The following HSD17B12 variants were observed in gnomAD, a reference collection of about 807,000 sequenced individuals.
HSD17B12 encodes the protein very-long-chain 3-oxoacyl-CoA reductase.
A neutral mutation model predicts 39.3 loss-of-function variants in HSD17B12; 32 were observed. That is an observed-to-expected ratio of 0.81 (90% confidence interval 0.61 to 1.09). HSD17B12 has a LOEUF of 1.09. Among genes scored for constraint, HSD17B12 ranks in the 50% least tolerant of loss-of-function variants. The probability of loss-of-function intolerance (pLI) is 0.00; values close to 1 mark genes in which losing one functional copy is unlikely to be tolerated. For missense variants in HSD17B12, 342 were observed against 382.9 expected (o/e 0.89, Z 0.89); for synonymous variants, 150 against 146.7 (o/e 1.02, Z -0.16).
At chr11:43,680,649 A>C (rs1007788589), upstream of HSD17B12, 5 of 626,756 alleles carry the variant, frequency 8.0e-6, no homozygotes, top group African/African-American at 5.5e-5. Context: ...CTACGCGCAG[A>C]GGGAAAGACG....
chr11:43,694,735 T>A (rs1259827117), intron 1 of HSD17B12, among the ~76,000 whole-genome samples: 1 of 152,118 alleles, frequency 6.6e-6, no homozygotes, highest in Non-Finnish European at 1.5e-5. Flanking sequence ...ATGGCAGTAT[T>A]CAAATTCATC....
chr11:43,558,420 C>G, the HSD17B12 span, among the ~76,000 whole-genome samples: 1 of 8,624 alleles, frequency 1.2e-4, no homozygotes, highest in African/African-American at 2.0e-4. Flanking sequence ...TGTCTGAGAG[C>G]AGGATTTTTT....
chr11:43,579,544 T>TACCC, the HSD17B12 span: 2 of 152,034 alleles, frequency 1.3e-5, no homozygotes, highest in East Asian at 3.9e-4. Context: ...GGCGCCCGGG[T>TACCC]CGGCTGGTGG....
At chr11:43,614,628 GAC>G in the HSD17B12 span, among the ~76,000 whole-genome samples, 1 of 152,028 alleles carries the variant, frequency 6.6e-6, no homozygotes, top group Admixed American at 6.5e-5. Context: ...ATACTTTTCT[GAC>G]ACAATTTCTC....
At chr11:43,723,947 G>C (rs1034366656) in intron 1 of HSD17B12, 3 of 139,904 alleles carry the variant, frequency 2.1e-5, no homozygotes, top group African/African-American at 8.1e-5. Context: ...TCATACAACT[G>C]TTTGGAGGAG....
intron 1 of HSD17B12, among the ~76,000 whole-genome samples, chr11:43,695,071 A>C (rs1949897874): frequency 6.6e-6 from 1 of 152,110 alleles, no homozygotes; most frequent in Non-Finnish European, 1.5e-5. Flanking sequence ...CTGTAATCCC[A>C]GCCATTTGGG....
chr11:43,681,188 G>T lies in HSD17B12; in HGVS notation c.160+201G>T, dbSNP rs867820061. 1.8e-5 allele frequency: 24 copies of T among 1,351,732 alleles called. No individual in the cohort carries two copies. The Middle Eastern group carries it at 1.1e-3, about 61-fold the overall frequency. 83.7% of individuals were successfully genotyped at this position (1,351,732 alleles called of 1,614,324 possible). ...GACTACTTGCAGAGTTTTAAGGTAC[G>T]AAATACACTGCTCGCTCAATCCTGG... On this transcript the variant is annotated intron_variant, in intron 1 of 10. Transcript: ENST00000278353.
At chr11:43,582,009 G>T in the HSD17B12 span, among the ~76,000 whole-genome samples, 2 of 152,186 alleles carry the variant, frequency 1.3e-5, no homozygotes, top group African/African-American at 4.8e-5. Context: ...GGACCCGGAG[G>T]TGAGGCGAGC....
chr11:43,790,519 A>T (rs926196704), intron 3 of HSD17B12, among the ~76,000 whole-genome samples: 1 of 152,190 alleles, frequency 6.6e-6, no homozygotes, highest in Non-Finnish European at 1.5e-5. Flanking sequence ...ATAGTGCTGA[A>T]CCCTATATAC....
chr11:43,751,008 A>G, intron 2 of HSD17B12, 51 bp downstream of exon 2: 1 of 1,187,044 alleles, frequency 8.4e-7, no homozygotes, highest in Non-Finnish European at 1.2e-6. Context: ...AAGAATAAAT[A>G]TGGGATGATT....
the HSD17B12 span, among the ~76,000 whole-genome samples, chr11:43,661,136 T>C: frequency 6.6e-6 from 1 of 151,850 alleles, no homozygotes. Context: ...ATAATAATAA[T>C]AAAAAGGAAC....
chr11:43,592,508 C>A, the HSD17B12 span, among the ~76,000 whole-genome samples: 2 of 152,078 alleles, frequency 1.3e-5, no homozygotes, highest in African/African-American at 2.4e-5. Context: ...TCAAATACTT[C>A]ATTGTTTCTC....
chr11:43,600,721 T>G, the HSD17B12 span, among the ~76,000 whole-genome samples: 17 of 152,150 alleles, frequency 1.1e-4, no homozygotes, highest in African/African-American at 4.1e-4. Flanking sequence ...CTCAATTTAT[T>G]TATATGTAAA....
At chr11:43,682,288 C>T (rs1340856149) in intron 1 of HSD17B12, among the ~76,000 whole-genome samples, 2 of 152,190 alleles carry the variant, frequency 1.3e-5, no homozygotes, top group African/African-American at 2.4e-5. Flanking sequence ...TGTGATGGCT[C>T]ACGCCTGTAA....
chr11:43,720,148 A>G (rs1041495814), intron 1 of HSD17B12, among the ~76,000 whole-genome samples: 1 of 152,204 alleles, frequency 6.6e-6, no homozygotes. Context: ...CCCAGAGACC[A>G]TTTTTAAATT....
At position 43,753,981 on chromosome 11, in the gene HSD17B12, T is replaced by G. The variant is rs1428776853; in HGVS notation, c.208-65T>G. 7 of 1,020,958 alleles carry G rather than the reference T, an allele frequency of 6.9e-6. No individual in the cohort carries two copies. In the African/African-American group the frequency reaches 1.1e-4, roughly 16 times the overall value. 63.2% of individuals were successfully genotyped at this position (1,020,958 alleles called of 1,614,324 possible). A position where few individuals can be genotyped will look rare whatever the true frequency, so the allele number is the denominator to read the frequency against. On this transcript the variant is annotated intron_variant, in intron 2 of 10. Coordinates refer to ENST00000278353, the MANE Select transcript of HSD17B12 (RefSeq NM_016142.3). The stretch of plus-strand genomic sequence containing the variant: ...GGACAGGTTTTCTTAAAATGGGGGT[T>G]ATAGCTCATTAATGTTTTTCAGTGA...
chr11:43,670,340 T>C, the HSD17B12 span: 17 of 152,244 alleles, frequency 1.1e-4, no homozygotes, highest in African/African-American at 4.1e-4. Context: ...GCTTTTTAAA[T>C]AGAGCTCAAA....
At chr11:43,709,788 A>T (rs1950048336) in intron 1 of HSD17B12, among the ~76,000 whole-genome samples, 1 of 152,030 alleles carries the variant, frequency 6.6e-6, no homozygotes, top group Non-Finnish European at 1.5e-5. Flanking sequence ...TTTTTTGAAT[A>T]GAAAAGGGAG....
chr11:43,664,398 C>A, the HSD17B12 span, among the ~76,000 whole-genome samples: 1 of 152,100 alleles, frequency 6.6e-6, no homozygotes. Context: ...CCAGGCCCCT[C>A]AAGAAGAAAT....
Sources: gnomAD v4.1 joint callset for allele counts (sites outside exome capture counted in the v4.1 genomes callset) on GRCh38, gnomAD v4.1.1 for gene constraint, MANE v1.5 for transcripts, NCBI Gene and HGNC (gene_info 2026-07-23, HGNC 2026-07-21) for gene names.